Variants in FHIP1A observed in about 807,000 individuals in gnomAD.
FHIP1A encodes FHF complex subunit HOOK-interacting protein 1A.
Under a neutral mutation model 88.6 loss-of-function variants are expected in FHIP1A, and 61 were observed. The ratio of observed to expected loss-of-function variants is 0.69; its 90% confidence interval spans 0.56 to 0.85. The LOEUF (loss-of-function observed/expected upper bound fraction) is 0.85, where lower values mean the gene tolerates loss of function less well. Among genes scored for constraint, FHIP1A ranks in the 40% least tolerant of loss-of-function variants. The probability of loss-of-function intolerance (pLI) is 0.00; values close to 1 mark genes in which losing one functional copy is unlikely to be tolerated. For missense variants in FHIP1A, 1,154 were observed against 1,273.5 expected (o/e 0.91, Z 1.43); for synonymous variants, 478 against 496.0 (o/e 0.96, Z 0.48).
chr4:151,524,233 C>T (rs1398423951), intron 3 of FHIP1A, among the ~76,000 whole-genome samples: 3 of 150,772 alleles, frequency 2.0e-5, no homozygotes, highest in Admixed American at 6.6e-5. Context: ...ACCCGGGAGG[C>T]GGAGGTTGCA....
intron 2 of FHIP1A, among the ~76,000 whole-genome samples, chr4:151,478,427 C>T (rs202237854): frequency 6.6e-6 from 1 of 152,014 alleles, no homozygotes; most frequent in Non-Finnish European, 1.5e-5. Context: ...TGGTGATTTT[C>T]GTTGTAAAAA....
rs115269560 is a variant in FHIP1A, at chr4:151,626,903, T to C, written c.979-2799T>C. Among the ~76,000 whole-genome samples, 469 of 152,340 alleles carry C rather than the reference T, an allele frequency of 3.1e-3. 2 individuals carry two copies. Among genetic ancestry groups the C allele is most frequent in the African/African-American group, 0.011 (456 of 41,576 alleles). ...GCAGAGCATCTTTTCCCTGGTGGTT[T>C]ATTGTTAGCTTTCCAGTGATCACAC... On this transcript the variant is annotated intron_variant, in intron 7 of 13. Coordinates refer to ENST00000435205, the MANE Select transcript of FHIP1A (RefSeq NM_001109977.3).
chr4:151,551,617 A>G (rs1392557132), intron 3 of FHIP1A, among the ~76,000 whole-genome samples: 2 of 152,174 alleles, frequency 1.3e-5, no homozygotes, highest in Admixed American at 6.5e-5. Flanking sequence ...GTGCTGGGAA[A>G]ACTGGCTAGC....
intron 1 of FHIP1A, among the ~76,000 whole-genome samples, chr4:151,429,633 G>A (rs1377608614): frequency 6.6e-6 from 1 of 152,134 alleles, no homozygotes; most frequent in South Asian, 2.1e-4. Flanking sequence ...TGGATCACTT[G>A]GGGCCAGGAG....
chr4:151,576,315 T>G (rs756224418), intron 4 of FHIP1A, among the ~76,000 whole-genome samples: 9 of 152,126 alleles, frequency 5.9e-5, no homozygotes, highest in Non-Finnish European at 1.0e-4. Context: ...CTTAACCAAT[T>G]TTGTTTTTTG....
At chr4:151,432,584 T>A (rs1203870628) in intron 1 of FHIP1A, among the ~76,000 whole-genome samples, 1 of 152,174 alleles carries the variant, frequency 6.6e-6, no homozygotes, top group African/African-American at 2.4e-5. Flanking sequence ...ATTGCAAAAA[T>A]TAGTTAAGAC....
In FHIP1A at chr4:151,588,922, A is replaced by G. The variant is rs374535847; in HGVS notation, c.974A>G (p.His325Arg). ...GTACCAGTCTTGGCTCCTGCTCTCC[A>G]TAAGGTCAGTGATTGGCTCATGTAA... Reference protein sequence around the residue: ...FLVPVLAPALHKVTVEEVMTT... With the variant: ...FLVPVLAPALRKVTVEEVMTT... The change falls in exon 7 of 14, where the codon CAT becomes CGT. Residue 325 changes from histidine (H) to arginine (R), a missense_variant. His to Arg is a conservative substitution (Grantham distance 29, BLOSUM62 0). Transcript: ENST00000435205. 3.0e-4 allele frequency: 466 copies of G among 1,539,648 alleles called. No homozygotes were observed. The highest frequency in any genetic ancestry group is 3.9e-4 in the Non-Finnish European group (440 of 1,136,208).
chr4:151,453,677 C>T (rs1209605203), intron 1 of FHIP1A, among the ~76,000 whole-genome samples: 1 of 152,032 alleles, frequency 6.6e-6, no homozygotes, highest in African/African-American at 2.4e-5. Context: ...ATGGAGAAAC[C>T]CTGTCTCTAC....
At chr4:151,542,717 G>C (rs1037403167) in intron 3 of FHIP1A, among the ~76,000 whole-genome samples, 1 of 152,132 alleles carries the variant, frequency 6.6e-6, no homozygotes, top group Admixed American at 6.5e-5. Flanking sequence ...GGCAGTTCCT[G>C]CTCCTCAAAA....
intron 3 of FHIP1A, among the ~76,000 whole-genome samples, chr4:151,504,578 TTA>T (rs1341744936): frequency 8.1e-6 from 1 of 122,776 alleles, no homozygotes; most frequent in South Asian, 2.5e-4. Context: ...TTATGTTATG[TTA>T]TGTTATGTTA....
At position 151,633,140 on chromosome 4, in the gene FHIP1A, T is replaced by G. The variant is rs558111042; in HGVS notation, c.1146+3271T>G. The stretch of plus-strand genomic sequence containing the variant: ...GAAATGAGAGAGGCGACATTACACC[T>G]TATGCCACAGAAATAAAAAAGAGCA... On this transcript the variant is annotated intron_variant, in intron 8 of 13. Transcript: ENST00000435205. Among the ~76,000 whole-genome samples, 15 of 151,918 alleles carry G rather than the reference T, an allele frequency of 9.9e-5. No homozygotes were observed. The South Asian group carries it at 3.1e-3, about 32-fold the overall frequency.
At chr4:151,592,547 C>T (rs1007286236) in intron 7 of FHIP1A, among the ~76,000 whole-genome samples, 6 of 152,040 alleles carry the variant, frequency 3.9e-5, no homozygotes, top group Non-Finnish European at 8.8e-5. Flanking sequence ...TTCATATGTT[C>T]TTTGGCTGCA....
intron 3 of FHIP1A, among the ~76,000 whole-genome samples, chr4:151,526,369 G>A (rs1420328456): frequency 1.3e-5 from 2 of 151,236 alleles, no homozygotes; most frequent in African/African-American, 2.4e-5. Context: ...CAGACGAGGC[G>A]GCTGGCCGGG....
chr4:151,577,217 G>A (rs1733826669), intron 4 of FHIP1A, among the ~76,000 whole-genome samples: 1 of 151,976 alleles, frequency 6.6e-6, no homozygotes, highest in African/African-American at 2.4e-5. Context: ...TATTTAGATT[G>A]TTGAAATTTA....
At chr4:151,502,173 A>AAAT (rs1491506622) in intron 3 of FHIP1A, among the ~76,000 whole-genome samples, 5 of 146,910 alleles carry the variant, frequency 3.4e-5, no homozygotes, top group Admixed American at 2.1e-4. Flanking sequence ...AAAAAAAAAA[A>AAAT]GAAAAGAAAA....
chr4:151,432,403 G>A (rs1733624856), intron 1 of FHIP1A, among the ~76,000 whole-genome samples: 1 of 152,166 alleles, frequency 6.6e-6, no homozygotes, highest in Admixed American at 6.5e-5. Context: ...CTGTGTGCCA[G>A]GCACTGTTCT....
chr4:151,431,650 G>A (rs1194722959), intron 1 of FHIP1A, among the ~76,000 whole-genome samples: 1 of 152,182 alleles, frequency 6.6e-6, no homozygotes, highest in Non-Finnish European at 1.5e-5. Flanking sequence ...CACTGGATGA[G>A]CACTGCAATG....
intron 7 of FHIP1A, among the ~76,000 whole-genome samples, chr4:151,622,265 T>A (rs78529894): frequency 1.6e-4 from 25 of 152,292 alleles, no homozygotes; most frequent in African/African-American, 6.0e-4. Flanking sequence ...CCATCACCAC[T>A]TATTAAGATG....
chr4:151,517,800 T>G (rs1731300191), intron 3 of FHIP1A, among the ~76,000 whole-genome samples: 1 of 151,868 alleles, frequency 6.6e-6, no homozygotes, highest in Admixed American at 6.6e-5. Flanking sequence ...AAAATTAAAA[T>G]AAATAAAAAA....
Sources: allele counts gnomAD v4.1 joint callset (sites outside exome capture counted in the v4.1 genomes callset), GRCh38; gene constraint gnomAD v4.1.1; transcripts MANE v1.5; gene names NCBI Gene and HGNC (gene_info 2026-07-23, HGNC 2026-07-21).